The following TYMS variants were observed in gnomAD, a reference collection of about 807,000 sequenced individuals.
TYMS encodes thymidylate synthetase, also known as thymidylate synthase.
A neutral mutation model predicts 39.3 loss-of-function variants in TYMS; 21 were observed. The ratio of observed to expected loss-of-function variants is 0.54; its 90% confidence interval spans 0.38 to 0.77. The LOEUF (loss-of-function observed/expected upper bound fraction) is 0.77. Among genes scored for constraint, TYMS ranks in the 30% least tolerant of loss-of-function variants. The pLI, the probability that TYMS is intolerant of heterozygous loss-of-function variation, is 0.00. For missense variants in TYMS, 273 were observed against 406.7 expected, an observed-to-expected ratio of 0.67 and a Z score of 2.83; for synonymous variants, 171 against 162.2, an observed-to-expected ratio of 1.05 and a Z score of -0.41.
intron 4 of TYMS, 193 bp downstream of exon 4, chr18:669,366 ATTTTTTTTTTTT>A (rs68090938): frequency 1.0e-5 from 2 of 190,606 alleles, no homozygotes; most frequent in East Asian, 1.5e-4. Flanking sequence ...GGCCCAGAGG[ATTTTTTTTTTTT>A]TTTTTTTTTT....
In TYMS at chr18:662,133, C is replaced by G; in HGVS notation, c.280-13C>G. ...TACCTGGATGCCTGCTCTGCTCTCC[C>G]CATCTCTTCCAGGGATCCACAAATG... On this transcript the variant is annotated splice_polypyrimidine_tract_variant and intron_variant, in intron 2 of 6. Transcript: ENST00000323274. The G allele has an allele frequency of 6.3e-7, 1 of 1,599,960 alleles. No homozygotes were observed. The highest frequency in any genetic ancestry group is 8.5e-7 in the Non-Finnish European group (1 of 1,174,130).
In TYMS at chr18:658,024, G is replaced by C. The variant is rs200637090; in HGVS notation, c.205+77G>C. 1 of 1,532,704 alleles carries C rather than the reference G, an allele frequency of 6.5e-7. No individual in the cohort carries two copies. Among genetic ancestry groups the C allele is most frequent in the Non-Finnish European group, 8.8e-7 (1 of 1,141,494 alleles). The allele number at this position is 1,532,704 out of a possible 1,614,324, so 94.9% of individuals were successfully genotyped here. On this transcript the variant is annotated intron_variant, in intron 1 of 6. Transcript: ENST00000323274. This position sits in a 1 kb window ranked among gnomAD's most constrained non-coding sequence, Gnocchi z 4.5. ...CTGGGGAGAGCGCTCGGGAGCTGCC[G>C]GGCGCTGCGGACCCCGTTTAGTCCT...
At chr18:670,988 AG>A (rs2075016867) in intron 5 of TYMS, 121 bp downstream of exon 5, 4 of 1,253,248 alleles carry the variant, frequency 3.2e-6, no homozygotes, top group Non-Finnish European at 4.4e-6. Context: ...GATATGTGTA[AG>A]TAAGAAATGA....
chr18:667,322 TGATGGTGATGGA>T (rs1356099917), intron 3 of TYMS, among the ~76,000 whole-genome samples: 3 of 33,392 alleles, frequency 9.0e-5, no homozygotes, highest in Admixed American at 2.7e-4. Flanking sequence ...ATGGAGATGG[TGATGGTGATGGA>T]GATGGTGATG....
At chr18:670,547 T>G (rs1598478433) in intron 4 of TYMS, 145 bp from the exon 5 acceptor site, 2 of 801,236 alleles carry the variant, frequency 2.5e-6, no homozygotes. Context: ...GCAGAGGCTG[T>G]TATGGACATC....
chr18:671,910 G>C (rs1269724556), intron 6 of TYMS: 1 of 168,092 alleles, frequency 5.9e-6, no homozygotes, highest in Admixed American at 6.3e-5. Context: ...CTCCCAGGTA[G>C]CTGGGATTAC....
In TYMS at chr18:659,632, G is replaced by C. The variant is rs1304641881; in HGVS notation, c.206-9G>C. 6.2e-7 allele frequency: 1 copy of C among 1,613,442 alleles called. No individual in the cohort carries two copies. The highest frequency in any genetic ancestry group is 8.5e-7 in the Non-Finnish European group (1 of 1,179,452). ...CCATCTTGAAACCGTATGGCAAATT[G>C]TTTTTCAGATGAATTCCCTCTGCTG... On this transcript the variant is annotated splice_polypyrimidine_tract_variant and intron_variant, in intron 1 of 6. Transcript: ENST00000323274.
chr18:662,504 C>CT (rs11411741), intron 3 of TYMS, among the ~76,000 whole-genome samples, 184 bp downstream of exon 3: 10,266 of 134,652 alleles, frequency 0.076, 494 homozygotes, highest in Non-Finnish European at 0.11. Context: ...GTTTCACACT[C>CT]TTTTTTTTTT....
chr18:658,173 AGCCGCGTCCCAGCGGCTCCGCGGCCGG>A lies in TYMS; in HGVS notation c.205+229_205+255del. ...ACACAGCAGCGACAGCCGGGAGGTA[AGCCGCGTCCCAGCGGCTCCGCGGCCGG>A]GCTCGCAGTCGCCCCAGTGATGCCG... On this transcript the variant is annotated intron_variant, in intron 1 of 6. Coordinates refer to ENST00000323274, the MANE Select transcript of TYMS (RefSeq NM_001071.4). The surrounding 1 kb of genome is among the most constrained non-coding windows in gnomAD (Gnocchi z 4.5). The A allele has an allele frequency of 1.3e-6, 2 of 1,564,272 alleles. No homozygotes were observed. Among genetic ancestry groups the A allele is most frequent in the Non-Finnish European group, 1.7e-6 (2 of 1,155,360 alleles).
Position 658,425 on chromosome 18 carries a change from G to T in TYMS, c.205+478G>T. 1 of 1,054,960 alleles carries T rather than the reference G, an allele frequency of 9.5e-7. No homozygotes were observed. Among genetic ancestry groups the T allele is most frequent in the Non-Finnish European group, 1.2e-6 (1 of 803,420 alleles). 65.3% of individuals were successfully genotyped at this position (1,054,960 alleles called of 1,614,324 possible). A position where few individuals can be genotyped will look rare whatever the true frequency, so the allele number is the denominator to read the frequency against. On this transcript the variant is annotated intron_variant, in intron 1 of 6. Coordinates refer to ENST00000323274, the MANE Select transcript of TYMS (RefSeq NM_001071.4). The surrounding 1 kb of genome is among the most constrained non-coding windows in gnomAD (Gnocchi z 4.5). ...GTGGGCGGGGCAAAGGCGGCGGGAA[G>T]AGGAGAGCACTGAAGCTGGCGCGGG...
intron 3 of TYMS, among the ~76,000 whole-genome samples, chr18:666,489 C>A (rs1360311586): frequency 6.6e-5 from 10 of 152,122 alleles, no homozygotes; most frequent in Admixed American, 5.9e-4. Context: ...GTCACAGAGC[C>A]CAGCCCCTCC....
At chr18:666,526 C>T (rs192715303) in intron 3 of TYMS, among the ~76,000 whole-genome samples, 1 of 152,222 alleles carries the variant, frequency 6.6e-6, no homozygotes, top group East Asian at 1.9e-4. Flanking sequence ...AAGCAGATGC[C>T]ACCTTGGAAT....
intron 4 of TYMS, 68 bp from the exon 5 acceptor site, chr18:670,624 T>C: frequency 1.3e-6 from 2 of 1,555,520 alleles, no homozygotes; most frequent in Non-Finnish European, 1.8e-6. Flanking sequence ...CTCTCCTGTT[T>C]TACTTTGCCT....
chr18:666,834 G>A (rs140744393), intron 3 of TYMS, among the ~76,000 whole-genome samples: 25 of 152,342 alleles, frequency 1.6e-4, no homozygotes, highest in African/African-American at 6.0e-4. Context: ...GGGAGGAATG[G>A]GGAGTTCATG....
chr18:667,523 TGATGGA>T lies in TYMS; in HGVS notation c.455-1543_455-1538del, dbSNP rs1567990872. ...GAGATGGTGATGGTGATGGTGATGGTGATGGAGATGGTGATGGTGATGGTGATGGAG... is the reference window on the plus strand; with the variant it reads ...GAGATGGTGATGGTGATGGTGATGGTGATGGTGATGGTGATGGTGATGGAG... On this transcript the variant is annotated intron_variant, in intron 3 of 6. Coordinates refer to ENST00000323274, the MANE Select transcript of TYMS (RefSeq NM_001071.4). Among the ~76,000 whole-genome samples, 20 of 55,996 alleles carry T rather than the reference TGATGGA, an allele frequency of 3.6e-4. 2 individuals carry two copies. Among genetic ancestry groups the T allele is most frequent in the East Asian group, 2.1e-3 (2 of 964 alleles). The allele number at this position is 55,996 out of a possible 152,430, so 36.7% of individuals were successfully genotyped here.
At chr18:667,257 TGATGGA>T (rs1280753773) in intron 3 of TYMS, among the ~76,000 whole-genome samples, 3 of 21,146 alleles carry the variant, frequency 1.4e-4, no homozygotes, top group African/African-American at 3.6e-4. Flanking sequence ...ATGGTGATGG[TGATGGA>T]GATGGTGATG....
intron 3 of TYMS, among the ~76,000 whole-genome samples, chr18:668,171 C>T (rs1453855135): frequency 6.6e-6 from 1 of 151,876 alleles, no homozygotes. Flanking sequence ...AATTTTAGCA[C>T]GTGTAGACTC....
Position 670,411 on chromosome 18 carries a change from A to C in TYMS, c.557-281A>C, listed in dbSNP as rs1056207661. 14 of 346,394 alleles carry C rather than the reference A, an allele frequency of 4.0e-5. No individual in the cohort carries two copies. In the Admixed American group the frequency reaches 4.4e-4, roughly 11 times the overall value. The allele number at this position is 346,394 out of a possible 1,614,324, so 21.5% of individuals were successfully genotyped here. A position where few individuals can be genotyped will look rare whatever the true frequency, so the allele number is the denominator to read the frequency against. On this transcript the variant is annotated intron_variant, in intron 4 of 6. Coordinates refer to ENST00000323274, the MANE Select transcript of TYMS (RefSeq NM_001071.4). ...ACAGAATTATTCCTGCTGTATTTGTAATCTGGTGCCACGAGGTAGCCCAGA... is the reference window on the plus strand; with the variant it reads ...ACAGAATTATTCCTGCTGTATTTGTCATCTGGTGCCACGAGGTAGCCCAGA...
chr18:668,373 CTTCAG>C (rs983028814), intron 3 of TYMS, among the ~76,000 whole-genome samples: 10 of 152,278 alleles, frequency 6.6e-5, no homozygotes, highest in South Asian at 4.1e-4. Flanking sequence ...AAGCTCTGCA[CTTCAG>C]TTAACAAATC....
Sources: gnomAD v4.1 joint callset for allele counts (sites outside exome capture counted in the v4.1 genomes callset) on GRCh38, gnomAD v4.1.1 for gene constraint, Gnocchi (gnomAD v3.1) non-coding constraint, MANE v1.5 for transcripts, NCBI Gene and HGNC (gene_info 2026-07-23, HGNC 2026-07-21) for gene names.